Variants in GRM3 observed in about 807,000 individuals in gnomAD.
GRM3 encodes the protein glutamate metabotropic receptor 3, also known as metabotropic glutamate receptor 3.
Under a neutral mutation model 70.5 loss-of-function variants are expected in GRM3, and 26 were observed. That is an observed-to-expected ratio of 0.37 (90% CI 0.27 to 0.51). The LOEUF (loss-of-function observed/expected upper bound fraction) is 0.51, where lower values mean the gene tolerates loss of function less well. GRM3 is among the 20% of genes least tolerant of loss of function. GRM3 has a pLI of 0.93. For synonymous variants in GRM3, 443 were observed against 434.9 expected (o/e 1.02, Z -0.23); for missense variants, 859 against 1,123.8 (o/e 0.76, Z 3.37).
Position 86,749,319 on chromosome 7 carries a change from T to C in GRM3, c.-140-15687T>C, listed in dbSNP as rs1796178182. On this transcript the variant is annotated intron_variant, in intron 1 of 5. Transcript: ENST00000361669. ...GCCCTCCCGTGGTGAAATGGGTTAC[T>C]TGTAGGCTGTGAGAAGGATGCTTGG... Among the ~76,000 whole-genome samples, 5 of 152,180 alleles carry C rather than the reference T, an allele frequency of 3.3e-5. No individual in the cohort carries two copies. The South Asian group carries it at 1.0e-3, about 32-fold the overall frequency.
intron 1 of GRM3, among the ~76,000 whole-genome samples, chr7:86,737,433 A>G (rs1795889086): frequency 6.6e-6 from 1 of 152,172 alleles, no homozygotes; most frequent in Non-Finnish European, 1.5e-5. Context: ...TCTGGAACTG[A>G]CTGAATCTCT....
At chr7:86,661,741 ATGT>A (rs966398941) in intron 1 of GRM3, among the ~76,000 whole-genome samples, 4 of 151,956 alleles carry the variant, frequency 2.6e-5, no homozygotes, top group Admixed American at 6.6e-5. Flanking sequence ...TTTCCTGCCA[ATGT>A]TGTTCTGAAG....
chr7:86,706,816 A>C (rs954554473), intron 1 of GRM3, among the ~76,000 whole-genome samples: 4 of 152,128 alleles, frequency 2.6e-5, no homozygotes, highest in Admixed American at 2.6e-4. Flanking sequence ...ATGTTAAAAT[A>C]AACATTTCAT....
chr7:86,716,989 A>G (rs1246544190), intron 1 of GRM3, among the ~76,000 whole-genome samples: 6 of 151,940 alleles, frequency 3.9e-5, no homozygotes, highest in African/African-American at 1.4e-4. Context: ...CTACTTATTA[A>G]CCATGTGTAC....
At chr7:86,663,613 C>CT (rs942169849) in intron 1 of GRM3, among the ~76,000 whole-genome samples, 94 of 151,974 alleles carry the variant, frequency 6.2e-4, no homozygotes, top group South Asian at 8.3e-4. Flanking sequence ...TGAATTATGT[C>CT]TTTTTTTTGT....
intron 1 of GRM3, among the ~76,000 whole-genome samples, chr7:86,723,029 T>C (rs1192103203): frequency 1.3e-5 from 2 of 152,092 alleles, no homozygotes; most frequent in Non-Finnish European, 2.9e-5. Context: ...CCAAATGATA[T>C]AAATATTAAT....
At chr7:86,670,757 T>C (rs1243187292) in intron 1 of GRM3, among the ~76,000 whole-genome samples, 1 of 152,210 alleles carries the variant, frequency 6.6e-6, no homozygotes, top group Non-Finnish European at 1.5e-5. Context: ...TGCCAATTTA[T>C]TATTCAGGCT....
chr7:86,798,692 G>T (rs1441185104), intron 3 of GRM3, among the ~76,000 whole-genome samples: 2 of 152,150 alleles, frequency 1.3e-5, no homozygotes, highest in African/African-American at 4.8e-5. Flanking sequence ...ATGCATGATT[G>T]GTTTTGAAAT....
intron 3 of GRM3, among the ~76,000 whole-genome samples, chr7:86,834,401 C>A (rs1798414427): frequency 6.6e-6 from 1 of 152,216 alleles, no homozygotes; most frequent in Non-Finnish European, 1.5e-5. Context: ...TCAAATTTAT[C>A]TTTCAGTCTT....
At chr7:86,796,906 C>T (rs529255122) in intron 3 of GRM3, among the ~76,000 whole-genome samples, 2 of 152,248 alleles carry the variant, frequency 1.3e-5, no homozygotes, top group South Asian at 2.1e-4. Context: ...GAATAAGTCT[C>T]ATGAGATCTG....
At chr7:86,669,624 C>T (rs1208911848) in intron 1 of GRM3, among the ~76,000 whole-genome samples, 1 of 152,106 alleles carries the variant, frequency 6.6e-6, no homozygotes. Flanking sequence ...TTGGTAGTAA[C>T]GTTGAATGTG....
At chr7:86,646,873 G>A (rs1304817877) in intron 1 of GRM3, among the ~76,000 whole-genome samples, 4 of 152,016 alleles carry the variant, frequency 2.6e-5, no homozygotes, top group Non-Finnish European at 5.9e-5. Context: ...ACTTATTTTT[G>A]CACAATGGGC....
intron 1 of GRM3, among the ~76,000 whole-genome samples, chr7:86,691,918 A>T (rs1794705145): frequency 2.0e-5 from 3 of 152,186 alleles, no homozygotes; most frequent in Admixed American, 2.0e-4. Flanking sequence ...ATGGACTAAG[A>T]TGCTAAGAGA....
chr7:86,699,142 C>A (rs1443070090), intron 1 of GRM3, among the ~76,000 whole-genome samples: 1 of 151,988 alleles, frequency 6.6e-6, no homozygotes, highest in Non-Finnish European at 1.5e-5. Context: ...GACGTTTGAG[C>A]TTATTAATTA....
rs570867196 is a variant in GRM3, at chr7:86,842,714, G to T, written c.2391+2809G>T. The stretch of plus-strand genomic sequence containing the variant: ...TGAGTTATAAATAAACATAAGGCAT[G>T]ATTCCAGTCTTCACAAAGTTTATAT... On this transcript the variant is annotated intron_variant, in intron 4 of 5. Transcript: ENST00000361669. Among the ~76,000 whole-genome samples the T allele has an allele frequency of 3.7e-4, 57 of 152,308 alleles. No individual in the cohort carries two copies. The South Asian group carries it at 5.8e-3, about 16-fold the overall frequency.
chr7:86,861,522 A>C (rs1267622796), intron 5 of GRM3, among the ~76,000 whole-genome samples: 2 of 152,202 alleles, frequency 1.3e-5, no homozygotes, highest in Non-Finnish European at 2.9e-5. Context: ...ATTATTTTAA[A>C]TTAAGTGGCC....
At chr7:86,816,797 A>G (rs1490806218) in intron 3 of GRM3, among the ~76,000 whole-genome samples, 2 of 151,910 alleles carry the variant, frequency 1.3e-5, no homozygotes, top group Non-Finnish European at 2.9e-5. Flanking sequence ...ATCAATTCCT[A>G]CCTTCAAGAA....
intron 1 of GRM3, among the ~76,000 whole-genome samples, chr7:86,715,990 T>A (rs1005398373): frequency 3.3e-5 from 5 of 152,004 alleles, no homozygotes; most frequent in African/African-American, 1.2e-4. Flanking sequence ...CACAGATTAA[T>A]AAATGATAGT....
At chr7:86,741,949 C>T (rs1236265738) in intron 1 of GRM3, among the ~76,000 whole-genome samples, 2 of 151,994 alleles carry the variant, frequency 1.3e-5, no homozygotes. Context: ...TAGTAACATA[C>T]CACACCAAAA....
Sources: allele counts gnomAD v4.1 joint callset (sites outside exome capture counted in the v4.1 genomes callset), GRCh38; gene constraint gnomAD v4.1.1; transcripts MANE v1.5; gene names NCBI Gene and HGNC (gene_info 2026-07-23, HGNC 2026-07-21).